The following PLA2R1 variants were observed in gnomAD, a reference collection of about 807,000 sequenced individuals.
PLA2R1 encodes the protein secretory phospholipase A2 receptor.
Under a neutral mutation model 195.9 loss-of-function variants are expected in PLA2R1, and 158 were observed. The observed-to-expected ratio is 0.81, with a 90% CI of 0.71 to 0.92. PLA2R1 has a LOEUF of 0.92. Ranked by LOEUF, PLA2R1 falls within the 40% of genes least tolerant of loss-of-function variation. PLA2R1 has a pLI of 0.00. For missense variants in PLA2R1, 1,626 were observed against 1,764.6 expected, an observed-to-expected ratio of 0.92 and a Z score of 1.41; for synonymous variants, 586 against 598.2, an observed-to-expected ratio of 0.98 and a Z score of 0.30.
intron 3 of PLA2R1, among the ~76,000 whole-genome samples, chr2:160,036,247 T>C (rs62175488): frequency 0.35 from 53,860 of 152,176 alleles, 11,866 homozygotes; most frequent in Non-Finnish European, 0.5. Context: ...TGTGCAAACC[T>C]GAATAGTATT....
At chr2:160,024,053 G>A (rs1479391199) in intron 6 of PLA2R1, among the ~76,000 whole-genome samples, 2 of 152,172 alleles carry the variant, frequency 1.3e-5, no homozygotes, top group Admixed American at 1.3e-4. Flanking sequence ...CAGGCACTAA[G>A]CCCATTTGAG....
At chr2:159,960,085 C>A (rs376736709) in intron 20 of PLA2R1, among the ~76,000 whole-genome samples, 1 of 152,166 alleles carries the variant, frequency 6.6e-6, no homozygotes, top group Non-Finnish European at 1.5e-5. Flanking sequence ...AAGTCCAACA[C>A]GGTATCACCC....
At chr2:159,979,479 T>A (rs1314745656) in intron 14 of PLA2R1, among the ~76,000 whole-genome samples, 1 of 152,186 alleles carries the variant, frequency 6.6e-6, no homozygotes, top group African/African-American at 2.4e-5. Flanking sequence ...CATACTCAGA[T>A]AATCAGGTGA....
the PLA2R1 span, among the ~76,000 whole-genome samples, chr2:159,924,472 G>A: frequency 6.6e-6 from 1 of 152,208 alleles, no homozygotes; most frequent in South Asian, 2.1e-4. Flanking sequence ...CTCCTGAGCT[G>A]CGAGGAGGCT....
chr2:159,949,599 TG>T lies in PLA2R1; in HGVS notation c.3709+8del. On this transcript the variant is annotated splice_region_variant and intron_variant, in intron 25 of 29. Transcript: ENST00000283243. ...GGTATATTTTTGAGTTGAATAGAATTGAACCTACCAGGTGGCACATGACAAA... is the reference window on the plus strand; with the variant it reads ...GGTATATTTTTGAGTTGAATAGAATTAACCTACCAGGTGGCACATGACAAA... The T allele has an allele frequency of 1.2e-6, 2 of 1,607,490 alleles. No homozygotes were observed. The highest frequency in any genetic ancestry group is 1.7e-6 in the Non-Finnish European group (2 of 1,174,104).
downstream of PLA2R1, among the ~76,000 whole-genome samples, chr2:159,927,522 C>T (rs1325562073): frequency 6.6e-6 from 1 of 152,166 alleles, no homozygotes; most frequent in Non-Finnish European, 1.5e-5. Flanking sequence ...GTTTGTCAGG[C>T]ATTTTGTATA....
At chr2:160,010,689 C>T (rs1463977643) in intron 10 of PLA2R1, among the ~76,000 whole-genome samples, 8 of 152,234 alleles carry the variant, frequency 5.3e-5, no homozygotes. Context: ...CCAACCTTCT[C>T]AGACAAAAGA....
chr2:160,061,271 C>G (rs573072052), intron 1 of PLA2R1, among the ~76,000 whole-genome samples: 1 of 152,326 alleles, frequency 6.6e-6, no homozygotes, highest in African/African-American at 2.4e-5. Flanking sequence ...GCTTCTCTGC[C>G]TGAGGTGGCC....
rs5835779 is a variant in PLA2R1, at chr2:159,942,973, C to CTT, written c.4145-816_4145-815dup. ...CCATACTTTTAAAACCAGACTTGTT[C>CTT]TTTTTTTTTTTTTTTTGAGGCGAAG... On this transcript the variant is annotated intron_variant, in intron 28 of 29. Transcript: ENST00000283243. Among the ~76,000 whole-genome samples the CTT allele has an allele frequency of 4.6e-3, 643 of 139,408 alleles. 6 individuals carry two copies. Among genetic ancestry groups the CTT allele is most frequent in the African/African-American group, 0.013 (500 of 37,834 alleles). 91.5% of individuals were successfully genotyped at this position (139,408 alleles called of 152,430 possible).
chr2:159,935,114 G>A lies in PLA2R1; in HGVS notation c.*6664C>T, dbSNP rs1280470908. ...TTGGGGAGGATACCAAAGAAGTCAT[G>A]TGCCCTTCTCAATGCCATACCAGGG... On this transcript the variant is annotated 3_prime_UTR_variant, in exon 30 of 30. Transcript: ENST00000283243. The A allele has an allele frequency of 6.6e-6, 1 of 152,188 alleles. No homozygotes were observed. Among genetic ancestry groups the A allele is most frequent in the Non-Finnish European group, 1.5e-5 (1 of 68,044 alleles). 9.4% of individuals were successfully genotyped at this position (152,188 alleles called of 1,614,324 possible).
At chr2:160,040,578 G>T (rs944966433) in intron 3 of PLA2R1, among the ~76,000 whole-genome samples, 1 of 152,184 alleles carries the variant, frequency 6.6e-6, no homozygotes, top group Non-Finnish European at 1.5e-5. Flanking sequence ...TCTGGAAGAT[G>T]GGCCAGGATA....
At chr2:160,016,762 G>C in intron 8 of PLA2R1, 50 bp from the exon 9 acceptor site, 1 of 805,024 alleles carries the variant, frequency 1.2e-6, no homozygotes, top group Non-Finnish European at 2.1e-6. Flanking sequence ...TGCTGATACC[G>C]ATGGGCAATA....
At chr2:159,947,097 C>T (rs1239374676) in intron 26 of PLA2R1, among the ~76,000 whole-genome samples, 180 bp from the exon 27 acceptor site, 1 of 152,216 alleles carries the variant, frequency 6.6e-6, no homozygotes, top group Non-Finnish European at 1.5e-5. Flanking sequence ...CAAGCTTGCA[C>T]GTCAGAAGTT....
intron 9 of PLA2R1, among the ~76,000 whole-genome samples, chr2:160,015,663 A>C (rs1167812563): frequency 1.3e-5 from 2 of 152,206 alleles, no homozygotes; most frequent in Non-Finnish European, 1.5e-5. Context: ...GAGATTAATC[A>C]GAGATCAGCT....
At chr2:159,999,841 A>G (rs2105370583) in intron 11 of PLA2R1, among the ~76,000 whole-genome samples, 1 of 152,312 alleles carries the variant, frequency 6.6e-6, no homozygotes, top group East Asian at 1.9e-4. Flanking sequence ...CTATCCTAAA[A>G]TCTCATGTGT....
rs1317480121 is a variant in PLA2R1 at position 159,949,603 on chromosome 2, C to G, written c.3709+5G>C. The G allele has an allele frequency of 1.2e-6, 2 of 1,609,210 alleles. No individual in the cohort carries two copies. Among genetic ancestry groups the G allele is most frequent in the African/African-American group, 2.7e-5 (2 of 74,796 alleles). ...TATTTTTGAGTTGAATAGAATTGAA[C>G]CTACCAGGTGGCACATGACAAATGG... On this transcript the variant is annotated splice_donor_5th_base_variant and intron_variant, in intron 25 of 29. Coordinates refer to ENST00000283243, the MANE Select transcript of PLA2R1 (RefSeq NM_007366.5).
At chr2:159,979,162 T>C (rs1371121327) in intron 14 of PLA2R1, among the ~76,000 whole-genome samples, 6 of 152,224 alleles carry the variant, frequency 3.9e-5, no homozygotes, top group Non-Finnish European at 8.8e-5. Flanking sequence ...TGATTTTTCA[T>C]GTGCCGTAGG....
intron 13 of PLA2R1, among the ~76,000 whole-genome samples, chr2:159,982,127 T>C (rs1689996552): frequency 6.6e-6 from 1 of 152,226 alleles, no homozygotes; most frequent in East Asian, 1.9e-4. Flanking sequence ...GGTTGTCATA[T>C]GGCAAACCTC....
rs780120013 is a variant in PLA2R1 at position 159,951,330 on chromosome 2, G to C, written c.3540+10C>G. 3 of 1,463,724 alleles carry C rather than the reference G, an allele frequency of 2.0e-6. No homozygotes were observed. The highest frequency in any genetic ancestry group is 2.3e-5 in the South Asian group (2 of 87,910). The allele number at this position is 1,463,724 out of a possible 1,614,324, so 90.7% of individuals were successfully genotyped here. On this transcript the variant is annotated intron_variant, in intron 24 of 29. Coordinates refer to ENST00000283243, the MANE Select transcript of PLA2R1 (RefSeq NM_007366.5). ...ATTCAAGGATGTCTCAAGGGAGTTAGGATACCTACATCTGTGGTGAACAGT... is the reference window on the plus strand; with the variant it reads ...ATTCAAGGATGTCTCAAGGGAGTTACGATACCTACATCTGTGGTGAACAGT...
Sources: gnomAD v4.1 joint callset for allele counts (sites outside exome capture counted in the v4.1 genomes callset) on GRCh38, gnomAD v4.1.1 for gene constraint, MANE v1.5 for transcripts, NCBI Gene and HGNC (gene_info 2026-07-23, HGNC 2026-07-21) for gene names.